The following PDE8B variants were observed in gnomAD, a reference collection of about 807,000 sequenced individuals.
PDE8B encodes phosphodiesterase 8B, also known as high affinity cAMP-specific and IBMX-insensitive 3',5'-cyclic phosphodiesterase 8B.
Under a neutral mutation model 101.3 loss-of-function variants are expected in PDE8B, and 26 were observed. The observed-to-expected ratio is 0.26, with a 90% CI of 0.19 to 0.36. The LOEUF (loss-of-function observed/expected upper bound fraction) is 0.36. Among genes scored for constraint, PDE8B ranks in the 10% least tolerant of loss-of-function variants. PDE8B has a pLI of 1.00. For missense variants in PDE8B, 810 were observed against 1,163.1 expected (o/e 0.70, Z 4.42); for synonymous variants, 424 against 429.3 (o/e 0.99, Z 0.15).
At chr5:77,350,506 C>T (rs757180383) in intron 8 of PDE8B, among the ~76,000 whole-genome samples, 10 of 151,946 alleles carry the variant, frequency 6.6e-5, no homozygotes, top group Non-Finnish European at 1.2e-4. Context: ...GAACAGGAAC[C>T]AATACTCTCC....
chr5:77,257,694 G>T (rs1409970409), intron 1 of PDE8B, among the ~76,000 whole-genome samples: 2 of 151,954 alleles, frequency 1.3e-5, no homozygotes, highest in Admixed American at 1.3e-4. Flanking sequence ...TCTGGGATAC[G>T]TGTGCAGGAT....
chr5:77,267,714 A>G (rs1434039811), intron 1 of PDE8B, among the ~76,000 whole-genome samples: 1 of 152,190 alleles, frequency 6.6e-6, no homozygotes, highest in African/African-American at 2.4e-5. Context: ...TGTTTCTCAC[A>G]AGCCTCTTCA....
At chr5:77,267,419 G>T (rs949369089) in intron 1 of PDE8B, among the ~76,000 whole-genome samples, 3 of 149,876 alleles carry the variant, frequency 2.0e-5, no homozygotes, top group African/African-American at 7.4e-5. Flanking sequence ...CAGCCTGGGT[G>T]ACAGAGCGAG....
chr5:77,277,026 GC>G, intron 1 of PDE8B, among the ~76,000 whole-genome samples: 1 of 152,224 alleles, frequency 6.6e-6, no homozygotes, highest in African/African-American at 2.4e-5. Context: ...TAAGACAGTT[GC>G]TTTCACGGTG....
At chr5:77,315,419 T>TC (rs888700505) in intron 2 of PDE8B, among the ~76,000 whole-genome samples, 2 of 152,348 alleles carry the variant, frequency 1.3e-5, no homozygotes, top group South Asian at 2.1e-4. Context: ...AGACTATTCT[T>TC]CCCCATTGAA....
chr5:77,169,819 G>A, the PDE8B span, among the ~76,000 whole-genome samples: 2 of 152,158 alleles, frequency 1.3e-5, no homozygotes, highest in African/African-American at 4.8e-5. Flanking sequence ...ACTGCAGCTT[G>A]GGATAATCAA....
chr5:77,150,367 A>G, the PDE8B span, among the ~76,000 whole-genome samples: 2 of 152,298 alleles, frequency 1.3e-5, no homozygotes, highest in African/African-American at 4.8e-5. Flanking sequence ...AGAGTTCCCA[A>G]TGGAATTGAA....
chr5:77,182,058 G>T, the PDE8B span, among the ~76,000 whole-genome samples: 1 of 152,012 alleles, frequency 6.6e-6, no homozygotes, highest in Non-Finnish European at 1.5e-5. Flanking sequence ...GGAGGCCAGG[G>T]AGTTGGATTC....
chr5:77,346,376 A>G (rs972536305), intron 7 of PDE8B, among the ~76,000 whole-genome samples: 1 of 152,132 alleles, frequency 6.6e-6, no homozygotes. Context: ...CATGAAGCAC[A>G]TTTGCTTTGC....
At chr5:77,422,393 G>GT (rs1394974534) in intron 20 of PDE8B, among the ~76,000 whole-genome samples, 4 of 152,198 alleles carry the variant, frequency 2.6e-5, no homozygotes. Flanking sequence ...GGGGAGAGAT[G>GT]TAGATAGGTC....
At chr5:77,418,729 C>T (rs1031244187) in intron 18 of PDE8B, among the ~76,000 whole-genome samples, 2 of 152,178 alleles carry the variant, frequency 1.3e-5, no homozygotes, top group Non-Finnish European at 2.9e-5. Context: ...TACCCTCCTA[C>T]GAGGACATCC....
chr5:77,267,478 C>T (rs531724051), intron 1 of PDE8B, among the ~76,000 whole-genome samples: 1 of 150,312 alleles, frequency 6.7e-6, no homozygotes, highest in Non-Finnish European at 1.5e-5. Context: ...TTGCATTGCA[C>T]AATGGGTTGA....
chr5:77,124,648 A>G, the PDE8B span, among the ~76,000 whole-genome samples: 1 of 152,140 alleles, frequency 6.6e-6, no homozygotes, highest in East Asian at 1.9e-4. Flanking sequence ...AAAGGACGTG[A>G]AAGTTATAAG....
chr5:77,283,765 T>G (rs1173404688), intron 1 of PDE8B, among the ~76,000 whole-genome samples: 1 of 152,194 alleles, frequency 6.6e-6, no homozygotes, highest in Non-Finnish European at 1.5e-5. Context: ...TTCTCCAAGT[T>G]TGGGCAATTA....
chr5:77,322,356 AAC>A (rs1775252429), intron 2 of PDE8B, among the ~76,000 whole-genome samples: 1 of 152,194 alleles, frequency 6.6e-6, no homozygotes, highest in Non-Finnish European at 1.5e-5. Context: ...AAGCATCAGA[AAC>A]ACAGAAAATA....
intron 1 of PDE8B, chr5:77,291,204 AG>A: frequency 6.2e-7 from 1 of 1,610,812 alleles, no homozygotes; most frequent in Non-Finnish European, 8.5e-7. Flanking sequence ...TGTACATGAA[AG>A]CATCCATCAT....
chr5:77,208,506 C>A (rs903111562), upstream of PDE8B, among the ~76,000 whole-genome samples: 1 of 152,168 alleles, frequency 6.6e-6, no homozygotes, highest in Non-Finnish European at 1.5e-5. Flanking sequence ...TTCCCAGGTC[C>A]TAAATTGTCC....
the PDE8B span, chr5:77,119,419 G>A: frequency 6.6e-6 from 1 of 152,212 alleles, no homozygotes; most frequent in Admixed American, 6.5e-5. Context: ...AGCACTTTGG[G>A]AGGCTGAGGC....
chr5:77,405,008 G>A (rs1793141304), intron 12 of PDE8B, among the ~76,000 whole-genome samples: 1 of 152,140 alleles, frequency 6.6e-6, no homozygotes, highest in African/African-American at 2.4e-5. Context: ...TCTTTGGAGG[G>A]ACTCCATGCT....
Sources: gnomAD v4.1 joint callset for allele counts (sites outside exome capture counted in the v4.1 genomes callset) on GRCh38, gnomAD v4.1.1 for gene constraint, MANE v1.5 for transcripts, NCBI Gene and HGNC (gene_info 2026-07-23, HGNC 2026-07-21) for gene names.